SLC1A2: variants seen among roughly 807,000 people sequenced by gnomAD.
SLC1A2 encodes solute carrier family 1 member 2.
A neutral mutation model predicts 48.8 loss-of-function variants in SLC1A2; 15 were observed. The observed-to-expected ratio is 0.31, with a 90% CI of 0.21 to 0.47. SLC1A2 has a LOEUF of 0.47. Among genes scored for constraint, SLC1A2 ranks in the 20% least tolerant of loss-of-function variants. SLC1A2 has a pLI of 0.99. For missense variants in SLC1A2, 502 were observed against 730.5 expected (o/e 0.69, Z 3.61); for synonymous variants, 279 against 272.6 (o/e 1.02, Z -0.23).
At chr11:35,361,604 G>A (rs943485879) in intron 1 of SLC1A2, among the ~76,000 whole-genome samples, 5 of 152,126 alleles carry the variant, frequency 3.3e-5, no homozygotes, top group African/African-American at 1.2e-4. Context: ...GTTAAGAAGA[G>A]GGGACAAATG....
chr11:35,254,007 G>A lies in SLC1A2; in HGVS notation c.*6887C>T, dbSNP rs887569001. 6.6e-6 allele frequency: 1 copy of A among 152,328 alleles called. No individual in the cohort carries two copies. Among genetic ancestry groups the A allele is most frequent in the Non-Finnish European group, 1.5e-5 (1 of 67,992 alleles). The allele number at this position is 152,328 out of a possible 1,614,324, so 9.4% of individuals were successfully genotyped here. A position where few individuals can be genotyped will look rare whatever the true frequency, so the allele number is the denominator to read the frequency against. ...TAATAGCAAACAAGCTAGGGGATTT[G>A]TTTAAAAAAATGTAAGACTGGGCTG... is the stretch of plus-strand genomic sequence containing the variant. On this transcript the variant is annotated 3_prime_UTR_variant, in exon 11 of 11. Coordinates refer to ENST00000278379, the MANE Select transcript of SLC1A2 (RefSeq NM_004171.4).
intron 1 of SLC1A2, among the ~76,000 whole-genome samples, chr11:35,354,673 G>A (rs1853391699): frequency 6.6e-6 from 1 of 152,036 alleles, no homozygotes; most frequent in South Asian, 2.1e-4. Flanking sequence ...TAGGGCCGAG[G>A]TCGAGAAACC....
At chr11:35,303,063 A>G (rs1211901199) in intron 5 of SLC1A2, among the ~76,000 whole-genome samples, 3 of 151,112 alleles carry the variant, frequency 2.0e-5, no homozygotes, top group Admixed American at 2.0e-4. Flanking sequence ...GGCAGTCCTA[A>G]TTTCCAGTCC....
intron 1 of SLC1A2, among the ~76,000 whole-genome samples, chr11:35,412,943 A>G (rs1855507662): frequency 6.6e-6 from 1 of 151,106 alleles, no homozygotes; most frequent in African/African-American, 2.4e-5. Context: ...TGTACAACCC[A>G]GACCAAAGTT....
chr11:35,418,728 A>C (rs764069948), intron 1 of SLC1A2: 12 of 564,162 alleles, frequency 2.1e-5, no homozygotes, highest in Non-Finnish European at 3.5e-5. Context: ...TTTTATCAAA[A>C]TAAAACAACC....
chr11:35,358,368 T>A (rs183113082), intron 1 of SLC1A2, among the ~76,000 whole-genome samples: 72 of 152,332 alleles, frequency 4.7e-4, no homozygotes, highest in Non-Finnish European at 8.5e-4. Flanking sequence ...ATCATAATAT[T>A]AATCATGTTT....
intron 1 of SLC1A2, chr11:35,392,385 A>G (rs548852190): frequency 6.6e-6 from 1 of 152,260 alleles, no homozygotes; most frequent in Non-Finnish European, 1.5e-5. Context: ...GAGGGCATCC[A>G]GCAAAAGTAG....
At chr11:35,353,927 T>G (rs1045762312) in intron 1 of SLC1A2, among the ~76,000 whole-genome samples, 2 of 152,166 alleles carry the variant, frequency 1.3e-5, no homozygotes, top group Non-Finnish European at 2.9e-5. Context: ...TTAATATACA[T>G]TTAAACTTTA....
chr11:35,288,906 G>T (rs1000939629), intron 7 of SLC1A2, among the ~76,000 whole-genome samples: 10 of 151,862 alleles, frequency 6.6e-5, no homozygotes, highest in African/African-American at 2.2e-4. Flanking sequence ...TTCTCTACTG[G>T]ACAGGCTTTT....
intron 4 of SLC1A2, 35 bp downstream of exon 4, chr11:35,312,163 A>T (rs1203715480): frequency 5.0e-6 from 8 of 1,607,718 alleles, no homozygotes; most frequent in Non-Finnish European, 6.8e-6. Flanking sequence ...AACTTAGAGG[A>T]CTGGAGAAGA....
chr11:35,383,420 T>C (rs1326044563), intron 1 of SLC1A2, among the ~76,000 whole-genome samples: 1 of 152,112 alleles, frequency 6.6e-6, no homozygotes, highest in Non-Finnish European at 1.5e-5. Flanking sequence ...GAGATAAAGA[T>C]GTCATGGGAT....
At chr11:35,377,022 G>T (rs1323305720) in intron 1 of SLC1A2, among the ~76,000 whole-genome samples, 1 of 152,232 alleles carries the variant, frequency 6.6e-6, no homozygotes. Context: ...TCTTCATGAA[G>T]ATCAGAATGG....
At chr11:35,347,337 A>G (rs1441601346) in intron 1 of SLC1A2, among the ~76,000 whole-genome samples, 3 of 152,204 alleles carry the variant, frequency 2.0e-5, no homozygotes. Flanking sequence ...AGACATGGTA[A>G]TTCAATATAC....
At chr11:35,415,126 G>A (rs894683418) in intron 1 of SLC1A2, among the ~76,000 whole-genome samples, 5 of 152,178 alleles carry the variant, frequency 3.3e-5, no homozygotes, top group Admixed American at 2.0e-4. Flanking sequence ...TATATTGCTC[G>A]TTTTTTGCAG....
intron 1 of SLC1A2, among the ~76,000 whole-genome samples, chr11:35,388,927 T>G (rs1266258342): frequency 6.6e-6 from 1 of 152,100 alleles, no homozygotes; most frequent in Non-Finnish European, 1.5e-5. Flanking sequence ...GATGAAATAA[T>G]AAACACCGGG....
At chr11:35,294,695 A>C (rs1377863581) in intron 6 of SLC1A2, among the ~76,000 whole-genome samples, 1 of 152,152 alleles carries the variant, frequency 6.6e-6, no homozygotes, top group Non-Finnish European at 1.5e-5. Context: ...TGTAGAATGG[A>C]GAGAAAATGC....
At chr11:35,309,294 C>T (rs1591455187) in intron 4 of SLC1A2, among the ~76,000 whole-genome samples, 1 of 152,130 alleles carries the variant, frequency 6.6e-6, no homozygotes, top group African/African-American at 2.4e-5. Flanking sequence ...TCTGTCTCCT[C>T]CCCCCGTGGC....
intron 1 of SLC1A2, among the ~76,000 whole-genome samples, chr11:35,326,524 T>C (rs748694400): frequency 5.3e-5 from 8 of 152,240 alleles, no homozygotes; most frequent in South Asian, 2.1e-4. Context: ...AGGTGCTGTA[T>C]ACCTTAGCCA....
chr11:35,320,790 A>G (rs142851494), intron 1 of SLC1A2, among the ~76,000 whole-genome samples: 1 of 152,332 alleles, frequency 6.6e-6, no homozygotes, highest in East Asian at 1.9e-4. Context: ...TATTACAGGC[A>G]CCATACTGTT....
Sources: allele counts gnomAD v4.1 joint callset (sites outside exome capture counted in the v4.1 genomes callset), GRCh38; gene constraint gnomAD v4.1.1; transcripts MANE v1.5; gene names NCBI Gene and HGNC (gene_info 2026-07-23, HGNC 2026-07-21).